OPCML: variants seen among roughly 807,000 people sequenced by gnomAD.
OPCML encodes opioid-binding protein/cell adhesion molecule.
OPCML carries 13 observed loss-of-function variants against 37.8 expected under a neutral mutation model. That is an observed-to-expected ratio of 0.34 (90% CI 0.22 to 0.55). The LOEUF (loss-of-function observed/expected upper bound fraction) is 0.55, where lower values mean the gene tolerates loss of function less well. OPCML is among the 20% of genes least tolerant of loss of function. OPCML has a pLI of 0.91. For synonymous variants in OPCML, 176 were observed against 168.8 expected, an observed-to-expected ratio of 1.04 and a Z score of -0.33; for missense variants, 341 against 435.6, an observed-to-expected ratio of 0.78 and a Z score of 1.93.
At chr11:133,476,426 AG>A (rs138722038) in intron 1 of OPCML, among the ~76,000 whole-genome samples, 3,201 of 152,006 alleles carry the variant, frequency 0.021, 114 homozygotes, top group African/African-American at 0.073. Flanking sequence ...TGAACTTCAT[AG>A]GAGAAATTTA....
intron 4 of OPCML, among the ~76,000 whole-genome samples, chr11:132,482,218 TA>T (rs2096183131): frequency 6.6e-6 from 1 of 151,554 alleles, no homozygotes. Context: ...ATAGACGCAA[TA>T]AAAAATGATA....
chr11:133,464,780 G>A (rs906646633), intron 1 of OPCML, among the ~76,000 whole-genome samples: 4 of 152,294 alleles, frequency 2.6e-5, no homozygotes, highest in East Asian at 1.9e-4. Context: ...TAACAGTGAC[G>A]TAACCTAAGA....
At chr11:133,447,198 C>G (rs1339562149) in intron 1 of OPCML, among the ~76,000 whole-genome samples, 2 of 152,098 alleles carry the variant, frequency 1.3e-5, no homozygotes, top group East Asian at 3.9e-4. Context: ...CTTGTCAGCT[C>G]TTGTTATTGT....
chr11:133,308,706 C>CA (rs1488179499), intron 1 of OPCML, among the ~76,000 whole-genome samples: 2 of 151,888 alleles, frequency 1.3e-5, no homozygotes, highest in Non-Finnish European at 2.9e-5. Flanking sequence ...TTCATCAGTA[C>CA]AAAAAAACAA....
At position 133,418,040 on chromosome 11, in the gene OPCML, A is replaced by AT. The variant is rs1945806098; in HGVS notation, c.61+114223_61+114224insA. 5 of 983,146 alleles carry AT rather than the reference A, an allele frequency of 5.1e-6. No individual in the cohort carries two copies. The African/African-American group carries it at 8.7e-5, about 17-fold the overall frequency. The allele number at this position is 983,146 out of a possible 1,614,324, so 60.9% of individuals were successfully genotyped here. On this transcript the variant is annotated intron_variant, in intron 1 of 7. Coordinates refer to ENST00000524381, the MANE Select transcript of OPCML (RefSeq NM_001012393.5). ...ATGGAGAAGAATGGGGAGAAGATACAGGGCAGAGAGAACTGCTTGAACACA... is the reference window on the plus strand; with the variant it reads ...ATGGAGAAGAATGGGGAGAAGATACATGGGCAGAGAGAACTGCTTGAACACA...
At chr11:132,512,187 A>T (rs921969472) in intron 4 of OPCML, among the ~76,000 whole-genome samples, 4 of 152,096 alleles carry the variant, frequency 2.6e-5, no homozygotes, top group African/African-American at 9.6e-5. Flanking sequence ...CAGTTATTAG[A>T]ATAGATAATA....
chr11:132,964,545 T>C (rs1185139745), intron 1 of OPCML, among the ~76,000 whole-genome samples: 3 of 152,164 alleles, frequency 2.0e-5, no homozygotes, highest in African/African-American at 7.2e-5. Context: ...AGAGAGTACA[T>C]AAAATGTCTA....
intron 1 of OPCML, among the ~76,000 whole-genome samples, chr11:133,186,058 C>T (rs1183542309): frequency 6.6e-6 from 1 of 151,986 alleles, no homozygotes; most frequent in South Asian, 2.1e-4. Context: ...ATATAGCCTC[C>T]ATCCTTTGTA....
At chr11:133,323,855 G>C (rs1943390866) in intron 1 of OPCML, among the ~76,000 whole-genome samples, 1 of 152,176 alleles carries the variant, frequency 6.6e-6, no homozygotes, top group South Asian at 2.1e-4. Flanking sequence ...CCCTCTCCGT[G>C]CTCCCAACAG....
intron 1 of OPCML, among the ~76,000 whole-genome samples, chr11:133,234,597 T>C (rs1028293818): frequency 3.3e-5 from 5 of 152,270 alleles, no homozygotes; most frequent in Non-Finnish European, 5.9e-5. Flanking sequence ...ACTCCTCTTG[T>C]ATTGGCCTCA....
In OPCML at chr11:132,895,807, C is replaced by A. The variant is rs565171429; in HGVS notation, c.146+47119G>T. 1.4e-4 allele frequency among the ~76,000 whole-genome samples: 21 copies of A among 152,242 alleles called. No homozygotes were observed. The South Asian group carries it at 3.7e-3, about 27-fold the overall frequency. ...TGCTGAGTCTCCTCAGAATCCACCC[C>A]CCCTGCCCCTCTTTGCTTCTGGACC... On this transcript the variant is annotated intron_variant, in intron 2 of 7. Coordinates refer to ENST00000524381, the MANE Select transcript of OPCML (RefSeq NM_001012393.5).
chr11:132,462,700 A>G (rs148744296), intron 4 of OPCML, among the ~76,000 whole-genome samples: 1 of 152,340 alleles, frequency 6.6e-6, no homozygotes, highest in Non-Finnish European at 1.5e-5. Context: ...TCATCCAATG[A>G]TGAAGACAAT....
At chr11:133,159,308 G>A (rs537873878) in intron 1 of OPCML, among the ~76,000 whole-genome samples, 1 of 152,170 alleles carries the variant, frequency 6.6e-6, no homozygotes, top group Non-Finnish European at 1.5e-5. Context: ...GGTCCCTGGG[G>A]CACGATGTAT....
chr11:132,708,717 A>C (rs1444589716), intron 2 of OPCML, among the ~76,000 whole-genome samples: 1 of 152,206 alleles, frequency 6.6e-6, no homozygotes, highest in African/African-American at 2.4e-5. Flanking sequence ...TAATTGGAGA[A>C]GGGAGTGAAG....
At chr11:133,515,825 G>A (rs967273785) in intron 1 of OPCML, among the ~76,000 whole-genome samples, 108 of 149,982 alleles carry the variant, frequency 7.2e-4, no homozygotes, top group African/African-American at 2.5e-3. Context: ...TGGGGCTCCT[G>A]GATTCTGCCA....
chr11:132,726,250 G>A (rs1242500622), intron 2 of OPCML, among the ~76,000 whole-genome samples: 4 of 152,180 alleles, frequency 2.6e-5, no homozygotes, highest in African/African-American at 7.2e-5. Flanking sequence ...CATGGCTGGG[G>A]AGGCTTCACA....
At chr11:133,412,325 C>A (rs900263068) in intron 1 of OPCML, among the ~76,000 whole-genome samples, 2 of 152,188 alleles carry the variant, frequency 1.3e-5, no homozygotes, top group Admixed American at 1.3e-4. Flanking sequence ...AGAATCAATA[C>A]CCAGACCTCA....
chr11:133,003,858 C>T (rs980551370), intron 1 of OPCML: 1 of 985,270 alleles, frequency 1.0e-6, no homozygotes, highest in Non-Finnish European at 1.2e-6. Context: ...CCTTGCCATC[C>T]ACCGTGTGCC....
chr11:132,441,158 CTTTTTTGTT>C (rs1412333993), intron 4 of OPCML, among the ~76,000 whole-genome samples: 8 of 108,056 alleles, frequency 7.4e-5, no homozygotes, highest in African/African-American at 3.1e-4. Flanking sequence ...TCACCAAGGA[CTTTTTTGTT>C]TTTTTTTTTT....
Sources: gnomAD v4.1 joint callset for allele counts (sites outside exome capture counted in the v4.1 genomes callset) on GRCh38, gnomAD v4.1.1 for gene constraint, MANE v1.5 for transcripts, NCBI Gene and HGNC (gene_info 2026-07-23, HGNC 2026-07-21) for gene names.